The following SIAH3 variants were observed in gnomAD, a reference collection of about 807,000 sequenced individuals.
SIAH3 encodes the protein siah E3 ubiquitin protein ligase family member 3.
Under a neutral mutation model 12.6 loss-of-function variants are expected in SIAH3, and 9 were observed. The ratio of observed to expected loss-of-function variants is 0.72; its 90% CI spans 0.43 to 1.25. SIAH3 has a LOEUF of 1.25. SIAH3 is among the 50% of genes most tolerant of loss of function. The pLI is 0.00. For missense variants in SIAH3, 390 were observed against 365.4 expected (o/e 1.07, Z -0.55); for synonymous variants, 154 against 151.1 (o/e 1.02, Z -0.14).
chr13:45,814,161 C>G (rs1164626814), intron 1 of SIAH3, among the ~76,000 whole-genome samples: 1 of 149,778 alleles, frequency 6.7e-6, no homozygotes, highest in African/African-American at 2.5e-5. Context: ...ATGGCGTGAA[C>G]CCGGGAGGCG....
rs1950514842 is a variant in SIAH3 at position 45,783,776 on chromosome 13, G to A, written c.417C>T (p.Ala139=). The stretch of plus-strand genomic sequence containing the variant: ...TGTCCGTGGCCAGGAAGACGATCTC[G>A]GCTCCCTGGAGGATGTCAACCCTAT... The part of the protein sequence containing the change: ...QIHRVDILQG[A]EIVFLATDMH... Residue 139 remains alanine (A), a synonymous_variant, in exon 2 of 2, where the codon GCC becomes GCT. Coordinates refer to ENST00000400405, the MANE Select transcript of SIAH3 (RefSeq NM_198849.3). 1.2e-6 allele frequency: 2 copies of A among 1,614,206 alleles called. No homozygotes were observed. Among genetic ancestry groups the A allele is most frequent in the Non-Finnish European group, 1.7e-6 (2 of 1,180,036 alleles).
chr13:45,821,528 C>T (rs1950655755), intron 1 of SIAH3, among the ~76,000 whole-genome samples: 1 of 152,150 alleles, frequency 6.6e-6, no homozygotes, highest in Admixed American at 6.5e-5. Flanking sequence ...CCCCATGGCC[C>T]AGTAGAGTGC....
rs927949181 is a variant in SIAH3 at position 45,823,356 on chromosome 13, G to A, written c.135+28139C>T. ...GCCAGAGCTGAAAACTGCTGCTTCCGAATTTTTAAAGCACGTGTACACTAT... is the reference window on the plus strand; with the variant it reads ...GCCAGAGCTGAAAACTGCTGCTTCCAAATTTTTAAAGCACGTGTACACTAT... On this transcript the variant is annotated intron_variant, in intron 1 of 1. Coordinates refer to ENST00000400405, the MANE Select transcript of SIAH3 (RefSeq NM_198849.3). Among the ~76,000 whole-genome samples, 23 of 152,246 alleles carry A rather than the reference G, an allele frequency of 1.5e-4. 2 individuals are homozygous for A. The highest frequency in any genetic ancestry group is 1.2e-3 in the Admixed American group (19 of 15,294).
chr13:45,825,606 G>A (rs1950671667), intron 1 of SIAH3, among the ~76,000 whole-genome samples: 1 of 152,192 alleles, frequency 6.6e-6, no homozygotes, highest in Non-Finnish European at 1.5e-5. Context: ...TTCTGCAGAA[G>A]GTAACCATAG....
intron 1 of SIAH3, among the ~76,000 whole-genome samples, chr13:45,788,376 A>G (rs1359653061): frequency 2.0e-5 from 3 of 152,180 alleles, no homozygotes; most frequent in Non-Finnish European, 4.4e-5. Flanking sequence ...CACTAATTAA[A>G]CCTAATGAAC....
intron 1 of SIAH3, among the ~76,000 whole-genome samples, chr13:45,844,320 C>T (rs752452742): frequency 4.0e-4 from 61 of 152,152 alleles, no homozygotes; most frequent in Admixed American, 7.9e-4. Context: ...TGTTGGTGGG[C>T]ACCATCTCAT....
chr13:45,847,430 T>G (rs1167819379), intron 1 of SIAH3, among the ~76,000 whole-genome samples: 1 of 152,122 alleles, frequency 6.6e-6, no homozygotes, highest in Non-Finnish European at 1.5e-5. Context: ...GGTCTCTGCC[T>G]CCTCCTCTTC....
intron 1 of SIAH3, among the ~76,000 whole-genome samples, chr13:45,789,349 G>A (rs1469582323): frequency 4.7e-5 from 7 of 149,274 alleles, no homozygotes; most frequent in Admixed American, 3.4e-4. Flanking sequence ...ATCTATCTGT[G>A]TATCTATCAT....
In SIAH3 at chr13:45,840,266, C is replaced by A. The variant is rs894846548; in HGVS notation, c.135+11229G>T. 2.6e-5 allele frequency among the ~76,000 whole-genome samples: 4 copies of A among 152,068 alleles called. No homozygotes were observed. The South Asian group carries it at 8.3e-4, about 32-fold the overall frequency. ...GAGGGAAACTCTGGCCAAAAAAAAA[C>A]CCACGAGAAACCACAAGCTAAACTC... On this transcript the variant is annotated intron_variant, in intron 1 of 1. Coordinates refer to ENST00000400405, the MANE Select transcript of SIAH3 (RefSeq NM_198849.3).
At chr13:45,831,417 G>T (rs971383840) in intron 1 of SIAH3, among the ~76,000 whole-genome samples, 1 of 152,044 alleles carries the variant, frequency 6.6e-6, no homozygotes, top group African/African-American at 2.4e-5. Flanking sequence ...ATTGATATTT[G>T]TAGACATACA....
intron 1 of SIAH3, among the ~76,000 whole-genome samples, chr13:45,812,423 T>C (rs1330122680): frequency 6.6e-6 from 1 of 151,632 alleles, no homozygotes; most frequent in East Asian, 1.9e-4. Context: ...AGTTCATCCT[T>C]TTTTTCTTTT....
intron 1 of SIAH3, 55 bp downstream of exon 1, chr13:45,851,440 C>G: frequency 1.9e-6 from 3 of 1,601,822 alleles, no homozygotes; most frequent in Non-Finnish European, 2.6e-6. Context: ...GCTGCCGCCT[C>G]CGAGAAAGGA....
chr13:45,816,798 C>T (rs775051919), intron 1 of SIAH3, among the ~76,000 whole-genome samples: 35 of 152,282 alleles, frequency 2.3e-4, no homozygotes, highest in African/African-American at 3.6e-4. Flanking sequence ...AAACAGCCCA[C>T]GGTAACTACA....
At chr13:45,812,661 AACACACACACACAG>A (rs1279648829) in intron 1 of SIAH3, among the ~76,000 whole-genome samples, 2 of 151,984 alleles carry the variant, frequency 1.3e-5, no homozygotes, top group Admixed American at 1.3e-4. Context: ...ATAAATATAT[AACACACACACACAG>A]ACACACACAC....
At chr13:45,847,341 C>T (rs995940101) in intron 1 of SIAH3, among the ~76,000 whole-genome samples, 1 of 152,198 alleles carries the variant, frequency 6.6e-6, no homozygotes, top group African/African-American at 2.4e-5. Flanking sequence ...AGTTAGCAAA[C>T]CCCGGGGCAG....
intron 1 of SIAH3, among the ~76,000 whole-genome samples, chr13:45,824,913 C>CA (rs1566094470): frequency 6.6e-6 from 1 of 151,498 alleles, no homozygotes; most frequent in East Asian, 1.9e-4. Context: ...ACCAAAAAAC[C>CA]AAAAAAAGAA....
chr13:45,851,692 C>G lies in SIAH3; in HGVS notation c.-63G>C. 5 of 1,607,868 alleles carry G rather than the reference C, an allele frequency of 3.1e-6. No individual in the cohort carries two copies. Among genetic ancestry groups the G allele is most frequent in the Non-Finnish European group, 3.4e-6 (4 of 1,176,200 alleles). The stretch of plus-strand genomic sequence containing the variant: ...GGAGGAAGCTGTGAGTCCTTGGGCC[C>G]TGGAAGGAGCGCAGCCTCTGAGACA... On this transcript the variant is annotated 5_prime_UTR_variant, in exon 1 of 2. Coordinates refer to ENST00000400405, the MANE Select transcript of SIAH3 (RefSeq NM_198849.3).
At position 45,826,444 on chromosome 13, in the gene SIAH3, G is replaced by A. The variant is rs1424145462; in HGVS notation, c.135+25051C>T. Among the ~76,000 whole-genome samples, 119 of 124,508 alleles carry A rather than the reference G, an allele frequency of 9.6e-4. 9 individuals carry two copies. The highest frequency in any genetic ancestry group is 1.8e-3 in the Non-Finnish European group (103 of 58,250). 81.7% of individuals were successfully genotyped at this position (124,508 alleles called of 152,430 possible). On this transcript the variant is annotated intron_variant, in intron 1 of 1. Transcript: ENST00000400405. ...GGATGGATGGATGAATGGATGCATG[G>A]ATGGATGGATGGATGAATGGATGGA...
chr13:45,833,090 T>C (rs1489967667), intron 1 of SIAH3, among the ~76,000 whole-genome samples: 1 of 152,200 alleles, frequency 6.6e-6, no homozygotes, highest in Non-Finnish European at 1.5e-5. Flanking sequence ...AGGTGACAAA[T>C]TTGGGACCTC....
Sources: allele counts gnomAD v4.1 joint callset (sites outside exome capture counted in the v4.1 genomes callset), GRCh38; gene constraint gnomAD v4.1.1; transcripts MANE v1.5; gene names NCBI Gene and HGNC (gene_info 2026-07-23, HGNC 2026-07-21).